The following FOXP1 variants were observed in gnomAD, a reference collection of about 807,000 sequenced individuals.
FOXP1 encodes forkhead box P1.
A neutral mutation model predicts 98.2 loss-of-function variants in FOXP1; 15 were observed. The observed-to-expected ratio is 0.15, with a 90% CI of 0.10 to 0.24. The LOEUF (loss-of-function observed/expected upper bound fraction) is 0.24, where lower values mean the gene tolerates loss of function less well. Ranked by LOEUF, FOXP1 falls within the 10% of genes least tolerant of loss-of-function variation. The pLI is 1.00. For missense variants in FOXP1, 633 were observed against 848.5 expected (o/e 0.75, Z 3.15); for synonymous variants, 371 against 314.5 (o/e 1.18, Z -1.90).
At chr3:71,331,020 G>A (rs1488049125) in intron 4 of FOXP1, among the ~76,000 whole-genome samples, 2 of 152,238 alleles carry the variant, frequency 1.3e-5, no homozygotes, top group African/African-American at 4.8e-5. Context: ...CGGCCTTGGT[G>A]CCCACTCTGG....
chr3:71,373,383 G>C lies in FOXP1; in HGVS notation c.-167-14139C>G, dbSNP rs569392975. ...CAACTTGTCATAAAAGCTGACACTA[G>C]TACACTGGAGAGGAAACCAAATGAC... On this transcript the variant is annotated intron_variant, in intron 3 of 20. Coordinates refer to ENST00000649528, the MANE Select transcript of FOXP1 (RefSeq NM_001349338.3). Among the ~76,000 whole-genome samples the C allele has an allele frequency of 2.6e-5, 4 of 152,204 alleles. 1 individual carries two copies. In the South Asian group the frequency reaches 8.3e-4, roughly 32 times the overall value.
chr3:70,979,820 A>C (rs574098874), intron 14 of FOXP1, among the ~76,000 whole-genome samples: 226 of 152,214 alleles, frequency 1.5e-3, no homozygotes, highest in Non-Finnish European at 2.5e-3. Context: ...AATCCTCTCT[A>C]ATATGTTTCA....
chr3:70,975,033 G>C (rs997993170), intron 17 of FOXP1, among the ~76,000 whole-genome samples: 5 of 152,170 alleles, frequency 3.3e-5, no homozygotes, highest in Admixed American at 2.6e-4. Context: ...TTTTGTCTAA[G>C]ATCATGGTAC....
chr3:71,350,074 T>C (rs191454880), intron 4 of FOXP1, among the ~76,000 whole-genome samples: 9 of 152,326 alleles, frequency 5.9e-5, no homozygotes, highest in African/African-American at 2.2e-4. Context: ...AAACAGGAGA[T>C]GGGGGTGACT....
chr3:71,555,327 G>C (rs968936842), intron 2 of FOXP1, among the ~76,000 whole-genome samples: 1 of 152,146 alleles, frequency 6.6e-6, no homozygotes, highest in Non-Finnish European at 1.5e-5. Flanking sequence ...CTGAAACAGA[G>C]GTGTTCATAA....
chr3:71,102,328 CTT>C (rs1442471972), intron 7 of FOXP1, among the ~76,000 whole-genome samples: 1 of 152,174 alleles, frequency 6.6e-6, no homozygotes, highest in African/African-American at 2.4e-5. Context: ...GGAAAACAAA[CTT>C]AATAAAAGTT....
chr3:71,280,439 G>A (rs1393885388), intron 5 of FOXP1, among the ~76,000 whole-genome samples: 1 of 151,564 alleles, frequency 6.6e-6, no homozygotes, highest in Non-Finnish European at 1.5e-5. Flanking sequence ...TCCTGCCTCA[G>A]CTTCTTGAAT....
At chr3:71,141,117 A>T (rs559177184) in intron 6 of FOXP1, among the ~76,000 whole-genome samples, 1 of 151,916 alleles carries the variant, frequency 6.6e-6, no homozygotes, top group South Asian at 2.1e-4. Flanking sequence ...AATTACAAAA[A>T]ATTAGCCAGG....
chr3:71,459,339 T>G (rs1427648982), intron 3 of FOXP1, among the ~76,000 whole-genome samples: 1 of 152,220 alleles, frequency 6.6e-6, no homozygotes, highest in Non-Finnish European at 1.5e-5. Flanking sequence ...GACAGATGTA[T>G]AAACAAAGCA....
chr3:71,255,817 T>C (rs547965308), intron 5 of FOXP1, among the ~76,000 whole-genome samples: 3 of 152,132 alleles, frequency 2.0e-5, no homozygotes, highest in Non-Finnish European at 4.4e-5. Flanking sequence ...CTTTTAGACG[T>C]TGGAAAATGG....
At chr3:71,281,238 T>A (rs200609299) in intron 5 of FOXP1, among the ~76,000 whole-genome samples, 1 of 59,404 alleles carries the variant, frequency 1.7e-5, no homozygotes. Flanking sequence ...AAGATAAAAA[T>A]TTTAAAAAAA....
intron 3 of FOXP1, among the ~76,000 whole-genome samples, chr3:71,472,013 T>C (rs2089405221): frequency 1.3e-5 from 2 of 152,210 alleles, no homozygotes; most frequent in Admixed American, 1.3e-4. Flanking sequence ...TGGCCAAATG[T>C]AATTACATTT....
intron 5 of FOXP1, among the ~76,000 whole-genome samples, chr3:71,267,293 G>A (rs2069789679): frequency 6.6e-6 from 1 of 152,130 alleles, no homozygotes; most frequent in Admixed American, 6.5e-5. Flanking sequence ...CTTTTGAGTG[G>A]TCCTTTTTTC....
At chr3:71,200,483 T>C (rs1019100838) in intron 5 of FOXP1, among the ~76,000 whole-genome samples, 4 of 152,188 alleles carry the variant, frequency 2.6e-5, no homozygotes, top group African/African-American at 9.7e-5. Context: ...TACCACAATG[T>C]GTATTTTTAA....
At chr3:71,021,297 T>C (rs2045393445) in intron 11 of FOXP1, among the ~76,000 whole-genome samples, 1 of 152,220 alleles carries the variant, frequency 6.6e-6, no homozygotes. Flanking sequence ...ATACAGTATA[T>C]GTTCTTTTAT....
Position 71,299,316 on chromosome 3 carries a change from G to A in FOXP1, c.-12+504C>T, listed in dbSNP as rs555129429. Among the ~76,000 whole-genome samples, 16 of 152,304 alleles carry A rather than the reference G, an allele frequency of 1.1e-4. 1 individual carries two copies. In the South Asian group the frequency reaches 3.1e-3, roughly 30 times the overall value. On this transcript the variant is annotated intron_variant, in intron 5 of 20. Coordinates refer to ENST00000649528, the MANE Select transcript of FOXP1 (RefSeq NM_001349338.3). ...CCTAGCGCTGACATTACAGGGATAT[G>A]CCCCACACTGCTCAGCAGTTACATC...
At chr3:71,125,824 G>C (rs745477750) in intron 6 of FOXP1, among the ~76,000 whole-genome samples, 1 of 152,194 alleles carries the variant, frequency 6.6e-6, no homozygotes, top group Non-Finnish European at 1.5e-5. Context: ...CACAGAAGCA[G>C]CATACATAGT....
At chr3:71,129,396 T>C (rs2059427689) in intron 6 of FOXP1, among the ~76,000 whole-genome samples, 1 of 152,196 alleles carries the variant, frequency 6.6e-6, no homozygotes, top group South Asian at 2.1e-4. Context: ...TCTAAATGTT[T>C]CTTCTATGAG....
intron 6 of FOXP1, chr3:71,130,907 A>G: frequency 7.4e-7 from 1 of 1,358,402 alleles, no homozygotes; most frequent in South Asian, 1.8e-5. Context: ...GCAGCGACAC[A>G]GCACACGCAG....
Sources: gnomAD v4.1 joint callset for allele counts (sites outside exome capture counted in the v4.1 genomes callset) on GRCh38, gnomAD v4.1.1 for gene constraint, MANE v1.5 for transcripts, NCBI Gene and HGNC (gene_info 2026-07-23, HGNC 2026-07-21) for gene names.